EVC: variants seen among roughly 807,000 people sequenced by gnomAD.
EVC encodes EvC ciliary complex subunit 1, also known as evC complex member EVC.
Under a neutral mutation model 118.9 loss-of-function variants are expected in EVC, and 116 were observed. The observed-to-expected ratio is 0.98, with a 90% confidence interval of 0.84 to 1.14. EVC has a LOEUF of 1.14. Among genes scored for constraint, EVC ranks in the 50% most tolerant of loss-of-function variants. The probability of loss-of-function intolerance (pLI) is 0.00; values close to 1 mark genes in which losing one functional copy is unlikely to be tolerated. For missense variants in EVC, 1,401 were observed against 1,246.4 expected (o/e 1.12, Z -1.87); for synonymous variants, 619 against 534.7 (o/e 1.16, Z -2.18).
At chr4:5,714,391 C>A (rs1207386536) in intron 1 of EVC, among the ~76,000 whole-genome samples, 1 of 152,154 alleles carries the variant, frequency 6.6e-6, no homozygotes, top group Non-Finnish European at 1.5e-5. Flanking sequence ...ATAGCCCCAC[C>A]CATTTTCTAC....
At chr4:5,783,515 C>T (rs1351623717) in intron 11 of EVC, 37 bp from the exon 12 acceptor site, 28 of 1,603,678 alleles carry the variant, frequency 1.7e-5, no homozygotes, top group Non-Finnish European at 2.4e-5. Flanking sequence ...AGGGTCCTGC[C>T]GTGACCTGTA....
chr4:5,733,745 A>G (rs1337621903), intron 5 of EVC, among the ~76,000 whole-genome samples: 3 of 152,184 alleles, frequency 2.0e-5, no homozygotes, highest in South Asian at 2.1e-4. Flanking sequence ...AGAGAACAAT[A>G]TGTTTAAAGG....
chr4:5,753,184 C>T, intron 9 of EVC, 132 bp downstream of exon 9: 1 of 883,208 alleles, frequency 1.1e-6, no homozygotes, highest in Non-Finnish European at 1.8e-6. Flanking sequence ...TCTGCTTCTG[C>T]CCTAGGGACT....
rs199521290 is a variant in EVC at position 5,726,917 on chromosome 4, T to C, written c.301-2390T>C. ...GACATGAACTCATCATTTTTTATGG[T>C]TGCATAGTATTCCATGGTGTATATG... On this transcript the variant is annotated intron_variant, in intron 2 of 20. Coordinates refer to ENST00000264956, the MANE Select transcript of EVC (RefSeq NM_153717.3). 6.7e-4 allele frequency among the ~76,000 whole-genome samples: 102 copies of C among 152,118 alleles called. No homozygotes were observed. The East Asian group carries it at 0.013, about 19-fold the overall frequency.
In EVC at chr4:5,804,923, G is replaced by T. The variant is rs1715623528; in HGVS notation, c.2561+82G>T. On this transcript the variant is annotated intron_variant, in intron 17 of 20. Transcript: ENST00000264956. ...TATCTCTCTGTGGTGCCGTCAGCAG[G>T]TGCCGTCGCGTGCATTGCCCGTGGA... The T allele has an allele frequency of 2.5e-6, 3 of 1,208,986 alleles. No homozygotes were observed. In the South Asian group the frequency reaches 3.7e-5, roughly 15 times the overall value. The allele number at this position is 1,208,986 out of a possible 1,614,324, so 74.9% of individuals were successfully genotyped here. A position where few individuals can be genotyped will look rare whatever the true frequency, so the allele number is the denominator to read the frequency against.
At chr4:5,827,398 G>A in the EVC span, among the ~76,000 whole-genome samples, 5 of 152,266 alleles carry the variant, frequency 3.3e-5, no homozygotes, top group Middle Eastern at 3.4e-3. Context: ...GCATCTGTGC[G>A]ACTTGGTGTC....
intron 11 of EVC, among the ~76,000 whole-genome samples, chr4:5,779,244 C>A (rs1486075834): frequency 6.6e-6 from 1 of 152,000 alleles, no homozygotes; most frequent in Admixed American, 6.5e-5. Context: ...GTTACTGTAG[C>A]CTTGTAATAT....
intron 8 of EVC, among the ~76,000 whole-genome samples, chr4:5,750,659 G>T (rs1007667274): frequency 6.6e-6 from 1 of 152,180 alleles, no homozygotes; most frequent in African/African-American, 2.4e-5. Context: ...GTAGTTGAGG[G>T]TGTTAAAGAC....
chr4:5,793,740 C>A (rs1327615409), intron 13 of EVC, 23 bp downstream of exon 13: 1 of 1,527,458 alleles, frequency 6.5e-7, no homozygotes, highest in Non-Finnish European at 8.9e-7. Flanking sequence ...CCCTGAAGGC[C>A]CAGGGCTTTG....
the EVC span, chr4:5,828,763 G>A: frequency 2.6e-4 from 354 of 1,384,662 alleles, no homozygotes; most frequent in Non-Finnish European, 3.1e-4. Flanking sequence ...TATCATAAGC[G>A]TGTTCCAATG....
chr4:5,739,552 G>T (rs1462705769), intron 5 of EVC, among the ~76,000 whole-genome samples: 1 of 152,174 alleles, frequency 6.6e-6, no homozygotes, highest in Non-Finnish European at 1.5e-5. Flanking sequence ...CCAGAAGAGT[G>T]ATTAACAAGC....
chr4:5,811,083 T>C lies in EVC; in HGVS notation c.*46T>C. 1 of 1,507,954 alleles carries C rather than the reference T, an allele frequency of 6.6e-7. No individual in the cohort carries two copies. Among genetic ancestry groups the C allele is most frequent in the Non-Finnish European group, 9.1e-7 (1 of 1,096,196 alleles). 93.4% of individuals were successfully genotyped at this position (1,507,954 alleles called of 1,614,324 possible). The stretch of plus-strand genomic sequence containing the variant: ...CAAGACCTGAAGCCCTGGGTCTGGG[T>C]GTGAATTCCACCTTCCCTCCTGCAG... On this transcript the variant is annotated 3_prime_UTR_variant, in exon 21 of 21. Transcript: ENST00000264956.
intron 19 of EVC, among the ~76,000 whole-genome samples, 181 bp from the exon 20 acceptor site, chr4:5,810,158 T>G (rs1716655794): frequency 6.6e-6 from 1 of 152,182 alleles, no homozygotes; most frequent in Non-Finnish European, 1.5e-5. Flanking sequence ...GGAGAGTACG[T>G]CACCTTCCCA....
rs542998063 is a variant in EVC, at chr4:5,746,547, G to A, written c.939+1206G>A. 6.6e-6 allele frequency among the ~76,000 whole-genome samples: 1 copy of A among 152,178 alleles called. No individual in the cohort carries two copies. Among genetic ancestry groups the A allele is most frequent in the African/African-American group, 2.4e-5 (1 of 41,458 alleles). ...ATGGAGGGTCTCCATGAGAGCCCAG[G>A]TTAGAGGACTTTGAGGGCCAGAATG... is the stretch of plus-strand genomic sequence containing the variant. On this transcript the variant is annotated intron_variant, in intron 7 of 20. Coordinates refer to ENST00000264956, the MANE Select transcript of EVC (RefSeq NM_153717.3). The surrounding 1 kb of genome is among the most constrained non-coding windows in gnomAD (Gnocchi z 5.8).
chr4:5,787,505 G>A (rs948387592), intron 12 of EVC, among the ~76,000 whole-genome samples: 1 of 152,204 alleles, frequency 6.6e-6, no homozygotes, highest in African/African-American at 2.4e-5. Flanking sequence ...GTGAGCCCGG[G>A]AATGCAAGTG....
At position 5,719,786 on chromosome 4, in the gene EVC, C is replaced by T. The variant is rs950433227; in HGVS notation, c.300+413C>T. 5.9e-5 allele frequency among the ~76,000 whole-genome samples: 9 copies of T among 152,262 alleles called. No individual in the cohort carries two copies. Among genetic ancestry groups the T allele is most frequent in the Middle Eastern group, 3.4e-3 (1 of 294 alleles). On this transcript the variant is annotated intron_variant, in intron 2 of 20. Coordinates refer to ENST00000264956, the MANE Select transcript of EVC (RefSeq NM_153717.3). This position sits in a 1 kb window ranked among gnomAD's most constrained non-coding sequence, Gnocchi z 4.7. ...AGAATGCCTTAAGATGTTTCCCTTTCGTTGTGTGTATCAATAATTCACCCA... is the reference window on the plus strand; with the variant it reads ...AGAATGCCTTAAGATGTTTCCCTTTTGTTGTGTGTATCAATAATTCACCCA...
At position 5,783,544 on chromosome 4, in the gene EVC, C is replaced by T. The variant is rs373957181; in HGVS notation, c.1564-8C>T. ...ACCTGTAACCCCATCTGTGGTTCTCCGCTCCAGGAGCTGTACTTCAGCACC... is the reference window on the plus strand; with the variant it reads ...ACCTGTAACCCCATCTGTGGTTCTCTGCTCCAGGAGCTGTACTTCAGCACC... On this transcript the variant is annotated splice_region_variant and splice_polypyrimidine_tract_variant and intron_variant, in intron 11 of 20. Coordinates refer to ENST00000264956, the MANE Select transcript of EVC (RefSeq NM_153717.3). 2.5e-5 allele frequency: 40 copies of T among 1,613,926 alleles called. No individual in the cohort carries two copies. Among genetic ancestry groups the T allele is most frequent in the African/African-American group, 2.0e-4 (15 of 74,902 alleles).
intron 15 of EVC, among the ~76,000 whole-genome samples, chr4:5,801,012 G>T (rs1434875509): frequency 6.6e-6 from 1 of 152,214 alleles, no homozygotes; most frequent in Non-Finnish European, 1.5e-5. Context: ...ATGAGGAAAA[G>T]AATGATAACT....
At chr4:5,785,273 G>T (rs1205705996) in intron 12 of EVC, among the ~76,000 whole-genome samples, 1 of 152,342 alleles carries the variant, frequency 6.6e-6, no homozygotes, top group Non-Finnish European at 1.5e-5. Context: ...CCAGATGGTG[G>T]AGCAGTCTCA....
Sources: allele counts gnomAD v4.1 joint callset (sites outside exome capture counted in the v4.1 genomes callset), GRCh38; gene constraint gnomAD v4.1.1; non-coding constraint Gnocchi (gnomAD v3.1); transcripts MANE v1.5; gene names NCBI Gene and HGNC (gene_info 2026-07-23, HGNC 2026-07-21).